Variants in TBC1D20 observed in about 807,000 individuals in gnomAD.
TBC1D20 encodes the protein TBC1 domain family member 20.
TBC1D20 carries 12 observed loss-of-function variants against 41.6 expected under a neutral mutation model. The ratio of observed to expected loss-of-function variants is 0.29; its 90% CI spans 0.18 to 0.47. The LOEUF (loss-of-function observed/expected upper bound fraction) is 0.47, where lower values mean the gene tolerates loss of function less well. Among genes scored for constraint, TBC1D20 ranks in the 20% least tolerant of loss-of-function variants. The pLI is 1.00. For synonymous variants in TBC1D20, 205 were observed against 204.8 expected (o/e 1.00, Z -0.01); for missense variants, 421 against 517.4 (o/e 0.81, Z 1.81).
At chr20:456,266 A>G (rs553353225) in intron 1 of TBC1D20, among the ~76,000 whole-genome samples, 1 of 152,226 alleles carries the variant, frequency 6.6e-6, no homozygotes, top group South Asian at 2.1e-4. Context: ...AAAATCTCCA[A>G]TTTCTTCTGT....
chr20:440,257 A>G lies in TBC1D20; in HGVS notation c.759T>C (p.Phe253=), dbSNP rs1379279439. ...LACHPLMPIY[F]AAVIVLYREQ... is the part of the protein sequence containing the mutation. Reference sequence around the variant, plus strand: ...CGTGGCCTGTACCTACCACGGCTGCAAAGTAAATCGGCATCAGTGGGTGGC... The same window carrying G: ...CGTGGCCTGTACCTACCACGGCTGCGAAGTAAATCGGCATCAGTGGGTGGC... Residue 253 remains phenylalanine, a synonymous_variant, in exon 6 of 8, where the codon TTT becomes TTC. Transcript: ENST00000354200. 4 of 1,612,932 alleles carry G rather than the reference A, an allele frequency of 2.5e-6. No individual in the cohort carries two copies. In the East Asian group the frequency reaches 8.9e-5, roughly 36 times the overall value.
chr20:459,999 C>T (rs188386301), intron 1 of TBC1D20, among the ~76,000 whole-genome samples: 72 of 152,174 alleles, frequency 4.7e-4, no homozygotes, highest in African/African-American at 1.6e-3. Flanking sequence ...ACTATCCATG[C>T]CTCCTCTAAA....
intron 1 of TBC1D20, among the ~76,000 whole-genome samples, chr20:458,854 C>T (rs947952045): frequency 6.6e-6 from 1 of 152,160 alleles, no homozygotes; most frequent in African/African-American, 2.4e-5. Flanking sequence ...CTAACACTAC[C>T]GGTGTTTCCC....
In TBC1D20 at chr20:441,865, G is replaced by A; in HGVS notation, c.516C>T (p.His172=). The A allele has an allele frequency of 6.2e-7, 1 of 1,613,778 alleles. No individual in the cohort carries two copies. The highest frequency in any genetic ancestry group is 1.7e-4 in the Middle Eastern group (1 of 6,060). ...TTCCTCTCTACTGGTACCTGAGGTG[G>A]TGGGTAGATAATTTTTCTACCAGGG... ...ATSLVEKLST[H]HLRDFMDPTM... The change falls in exon 4 of 8, where the codon CAC becomes CAT. Residue 172 remains histidine, a synonymous_variant. Transcript: ENST00000354200.
At chr20:444,941 G>A in intron 3 of TBC1D20, 109 bp downstream of exon 3, 1 of 898,502 alleles carries the variant, frequency 1.1e-6, no homozygotes, top group Middle Eastern at 2.2e-4. Flanking sequence ...AGCAAAAGGA[G>A]AGCTCTGAAG....
chr20:441,878 T>C lies in TBC1D20; in HGVS notation c.503A>G (p.Lys168Arg). The C allele has an allele frequency of 6.2e-7, 1 of 1,613,980 alleles. No individual in the cohort carries two copies. The highest frequency in any genetic ancestry group is 8.5e-7 in the Non-Finnish European group (1 of 1,179,962). Residue 168 changes from lysine (K) to arginine (R), a missense_variant, in exon 4 of 8, where the codon AAA becomes AGA. By Grantham distance (26) the Lys-to-Arg change is conservative. Around this residue, in one of 3 missense-constraint regions of TBC1D20, gnomAD observed 110 missense variants for 183.5 expected, o/e 0.60. Coordinates refer to ENST00000354200, the MANE Select transcript of TBC1D20 (RefSeq NM_144628.4). Reference sequence around the variant, plus strand: ...GTACCTGAGGTGGTGGGTAGATAATTTTTCTACCAGGGATGTTGCCAGCCT... The same window carrying C: ...GTACCTGAGGTGGTGGGTAGATAATCTTTCTACCAGGGATGTTGCCAGCCT... The part of the protein sequence containing the change: ...GERLATSLVE[K>R]LSTHHLRDFM...
In TBC1D20 at chr20:453,539, C is replaced by CTTTTTTTTTTTTTT. The variant is rs1198052752; in HGVS notation, c.71-5466_71-5465insAAAAAAAAAAAAAA. 6.4e-5 allele frequency among the ~76,000 whole-genome samples: 7 copies of CTTTTTTTTTTTTTT among 109,726 alleles called. 3 individuals are homozygous for CTTTTTTTTTTTTTT. Among genetic ancestry groups the CTTTTTTTTTTTTTT allele is most frequent in the Non-Finnish European group, 6.9e-5 (4 of 58,062 alleles). 72.0% of individuals were successfully genotyped at this position (109,726 alleles called of 152,430 possible). ...ACGGTGGCTCGTGCCTGTAATCCAG[C>CTTTTTTTTTTTTTT]ATTTTTTTTTTTTTTTTTTTTTTTG... On this transcript the variant is annotated intron_variant, in intron 1 of 7. Transcript: ENST00000354200.
chr20:461,982 C>T (rs2017639519), intron 1 of TBC1D20, among the ~76,000 whole-genome samples: 2 of 152,202 alleles, frequency 1.3e-5, no homozygotes. Context: ...AGCCTGCGGA[C>T]GTGGCGGACG....
Position 448,013 on chromosome 20 carries a change from G to A in TBC1D20, c.132C>T (p.Pro44=), listed in dbSNP as rs1216279025. 3.1e-6 allele frequency: 5 copies of A among 1,614,060 alleles called. No individual in the cohort carries two copies. Among genetic ancestry groups the A allele is most frequent in the South Asian group, 2.2e-5 (2 of 91,076 alleles). The change falls in exon 2 of 8, where the codon CCC becomes CCT. Residue 44 remains proline (P), a synonymous_variant. Coordinates refer to ENST00000354200, the MANE Select transcript of TBC1D20 (RefSeq NM_144628.4). ...TGCGTCTAAGGGCAGCCACATCAGT[G>A]GGATCACTGTTCAGAGCCTGGTGTA... is the stretch of plus-strand genomic sequence containing the variant. ...AEIHQALNSD[P]TDVAALRRMA...
intron 1 of TBC1D20, among the ~76,000 whole-genome samples, chr20:451,721 A>G (rs1034792097): frequency 1.3e-5 from 2 of 152,142 alleles, no homozygotes; most frequent in African/African-American, 4.8e-5. Flanking sequence ...GCTGGAGTGG[A>G]AAAGTCCAAT....
Position 441,605 on chromosome 20 carries a change from G to C in TBC1D20, c.609C>G (p.Leu203=), listed in dbSNP as rs761106229. The C allele has an allele frequency of 3.7e-5, 59 of 1,613,986 alleles. 1 individual carries two copies. The Admixed American group carries it at 9.3e-4, about 26-fold the overall frequency. ...ATATGTACCTCTGCATGAAGTCATG[G>C]AGCTCTGGATTCACCTGGTCAATGA... ...MPIIDQVNPE[L]HDFMQSAEVG... Residue 203 remains leucine, a synonymous_variant, in exon 5 of 8, where the codon CTC becomes CTG. Transcript: ENST00000354200.
At chr20:445,173 G>A in intron 2 of TBC1D20, 43 bp from the exon 3 acceptor site, 1 of 1,495,394 alleles carries the variant, frequency 6.7e-7, no homozygotes, top group Non-Finnish European at 9.2e-7. Flanking sequence ...TGCCTGAGAA[G>A]CCAGACCAGA....
chr20:444,676 T>C (rs2017298998), intron 3 of TBC1D20, among the ~76,000 whole-genome samples: 2 of 152,220 alleles, frequency 1.3e-5, no homozygotes, highest in Admixed American at 6.5e-5. Context: ...ATCTTACATA[T>C]GTATGCGCAA....
Position 441,983 on chromosome 20 carries a change from A to G in TBC1D20, c.398T>C (p.Ile133Thr), listed in dbSNP as rs963113039. ...QEELIDIILL[I>T]LERNPQLHYY... ...GTGCAGCTGAGGGTTGCGCTCCAAG[A>G]TGAGGAGGATGATGTCAATCAGTTC... The change falls in exon 4 of 8, where the codon ATC becomes ACC. Residue 133 changes from isoleucine (I) to threonine (T), a missense_variant. Around this residue, in one of 3 missense-constraint regions of TBC1D20, gnomAD observed 110 missense variants for 183.5 expected, o/e 0.60. Transcript: ENST00000354200. The G allele has an allele frequency of 6.2e-7, 1 of 1,614,034 alleles. No individual in the cohort carries two copies. The highest frequency in any genetic ancestry group is 8.5e-7 in the Non-Finnish European group (1 of 1,180,006).
At chr20:442,173 C>T in intron 3 of TBC1D20, 130 bp from the exon 4 acceptor site, 1 of 823,198 alleles carries the variant, frequency 1.2e-6, no homozygotes, top group Non-Finnish European at 1.8e-6. Context: ...CAACGCATAT[C>T]AAGATCCACT....
chr20:462,277 C>A (rs1168365607), intron 1 of TBC1D20, 59 bp downstream of exon 1: 29 of 1,177,730 alleles, frequency 2.5e-5, no homozygotes, highest in Admixed American at 8.1e-5. Context: ...CCGCCAGCTG[C>A]CCCTGCCCCC....
Position 462,389 on chromosome 20 carries a change from G to A in TBC1D20, c.17C>T (p.Ala6Val), listed in dbSNP as rs2017650035. 2 of 1,291,980 alleles carry A rather than the reference G, an allele frequency of 1.5e-6. No individual in the cohort carries two copies. Among genetic ancestry groups the A allele is most frequent in the Non-Finnish European group, 2.0e-6 (2 of 1,009,984 alleles). 80.0% of individuals were successfully genotyped at this position (1,291,980 alleles called of 1,614,324 possible). Residue 6 changes from alanine to valine, a missense_variant, in exon 1 of 8, where the codon GCG becomes GTG. Physicochemically the swap from Ala to Val is moderately conservative, Grantham distance 64. Transcript: ENST00000354200. Reference protein sequence around the residue: MALRSAQGDGPTSGHW... With the variant: MALRSVQGDGPTSGHW... Reference sequence around the variant, plus strand: ...GCCGGAGGTGGGGCCGTCGCCCTGCGCACTCCGGAGGGCCATGCCCCGGGG... The same window carrying A: ...GCCGGAGGTGGGGCCGTCGCCCTGCACACTCCGGAGGGCCATGCCCCGGGG...
At chr20:451,413 T>A (rs888218307) in intron 1 of TBC1D20, among the ~76,000 whole-genome samples, 9 of 152,252 alleles carry the variant, frequency 5.9e-5, no homozygotes, top group African/African-American at 2.2e-4. Flanking sequence ...CCGGGCATGG[T>A]GGCAGGCGCT....
intron 1 of TBC1D20, chr20:450,622 G>C (rs2017426917): frequency 6.6e-6 from 1 of 152,172 alleles, no homozygotes; most frequent in Non-Finnish European, 1.5e-5. Context: ...GTGATAGTCT[G>C]TTATTCATAG....
Sources: allele counts gnomAD v4.1 joint callset (sites outside exome capture counted in the v4.1 genomes callset), GRCh38; gene constraint gnomAD v4.1.1; regional missense constraint gnomAD v4.1.1; transcripts MANE v1.5; gene names NCBI Gene and HGNC (gene_info 2026-07-23, HGNC 2026-07-21).